RBFOX1: variants seen among roughly 807,000 people sequenced by gnomAD.
The protein encoded by RBFOX1 is RNA binding protein fox-1 homolog 1.
Under a neutral mutation model 57.7 loss-of-function variants are expected in RBFOX1, and 8 were observed. That is an observed-to-expected ratio of 0.14 (90% CI 0.08 to 0.25). The LOEUF (loss-of-function observed/expected upper bound fraction) is 0.25. Among genes scored for constraint, RBFOX1 ranks in the 10% least tolerant of loss-of-function variants. The pLI is 1.00. For missense variants in RBFOX1, 611 were observed against 548.5 expected, an observed-to-expected ratio of 1.11 and a Z score of -1.14; for synonymous variants, 326 against 222.4, an observed-to-expected ratio of 1.47 and a Z score of -4.15.
chr16:7,050,848 G>T (rs1003375182), intron 3 of RBFOX1, among the ~76,000 whole-genome samples: 1 of 151,826 alleles, frequency 6.6e-6, no homozygotes, highest in East Asian at 1.9e-4. Flanking sequence ...ACATTTGTGT[G>T]CCTCTGCATA....
intron 3 of RBFOX1, among the ~76,000 whole-genome samples, chr16:6,950,704 G>T (rs148691521): frequency 6.6e-6 from 1 of 152,218 alleles, no homozygotes; most frequent in Non-Finnish European, 1.5e-5. Flanking sequence ...AAAAAGAGTT[G>T]CTTAGGAGAA....
chr16:6,658,683 T>C lies in RBFOX1; in HGVS notation c.-16+4033T>C, dbSNP rs73529847. ...GGCTGACAGGAAACTAATTGCCATTTGGAAAACCTTGCCTGGCTGTTTATG... is the reference window on the plus strand; with the variant it reads ...GGCTGACAGGAAACTAATTGCCATTCGGAAAACCTTGCCTGGCTGTTTATG... On this transcript the variant is annotated intron_variant, in intron 3 of 15. Coordinates refer to ENST00000550418, the MANE Select transcript of RBFOX1 (RefSeq NM_018723.4). Among the ~76,000 whole-genome samples, 198 of 152,336 alleles carry C rather than the reference T, an allele frequency of 1.3e-3. 1 individual carries two copies. Among genetic ancestry groups the C allele is most frequent in the African/African-American group, 4.7e-3 (194 of 41,582 alleles).
intron 3 of RBFOX1, among the ~76,000 whole-genome samples, chr16:6,788,855 C>G (rs1253925274): frequency 1.3e-5 from 2 of 152,096 alleles, no homozygotes; most frequent in Non-Finnish European, 2.9e-5. Flanking sequence ...ATGGCATCGC[C>G]TCACTTCTGA....
At chr16:7,490,795 C>G (rs1011484919) in intron 4 of RBFOX1, among the ~76,000 whole-genome samples, 3 of 152,110 alleles carry the variant, frequency 2.0e-5, no homozygotes, top group African/African-American at 7.2e-5. Context: ...CTCAAAAAGA[C>G]CCACCTAATA....
intron 2 of RBFOX1, among the ~76,000 whole-genome samples, chr16:5,524,828 A>G (rs1304258076): frequency 6.6e-6 from 1 of 152,068 alleles, no homozygotes. Context: ...GGCGTGAGAC[A>G]CCGCACCCGG....
At chr16:6,559,208 CAT>C (rs1185586248) in intron 2 of RBFOX1, among the ~76,000 whole-genome samples, 4 of 151,826 alleles carry the variant, frequency 2.6e-5, no homozygotes, top group East Asian at 3.9e-4. Flanking sequence ...CACATAGTCA[CAT>C]GTCATGTCAA....
At chr16:6,486,864 T>A (rs1406056258) in intron 2 of RBFOX1, among the ~76,000 whole-genome samples, 3 of 152,118 alleles carry the variant, frequency 2.0e-5, no homozygotes, top group Non-Finnish European at 4.4e-5. Context: ...CAATTATGAA[T>A]TCTCATGCAT....
At chr16:6,842,003 C>T (rs895295027) in intron 3 of RBFOX1, among the ~76,000 whole-genome samples, 26 of 151,276 alleles carry the variant, frequency 1.7e-4, no homozygotes, top group African/African-American at 5.8e-4. Flanking sequence ...ATTAGCCGGG[C>T]GTGGTGGCGG....
chr16:6,233,374 G>A (rs1457687593), intron 1 of RBFOX1, among the ~76,000 whole-genome samples: 5 of 151,868 alleles, frequency 3.3e-5, no homozygotes, highest in Non-Finnish European at 5.9e-5. Context: ...CATCTCCCCC[G>A]GGTGGTTGCA....
intron 4 of RBFOX1, among the ~76,000 whole-genome samples, chr16:5,870,392 ATG>A (rs1469268075): frequency 0.011 from 1,473 of 139,164 alleles, 38 homozygotes; most frequent in African/African-American, 0.037. Flanking sequence ...AAAAAAAAAA[ATG>A]AAGGCACTTG....
intron 1 of RBFOX1, among the ~76,000 whole-genome samples, chr16:6,138,491 G>T (rs1267379905): frequency 6.6e-6 from 1 of 152,116 alleles, no homozygotes; most frequent in Non-Finnish European, 1.5e-5. Context: ...AGGATTTGTG[G>T]CATGTTTGCC....
At chr16:6,556,060 A>G (rs1401300315) in intron 2 of RBFOX1, among the ~76,000 whole-genome samples, 2 of 152,090 alleles carry the variant, frequency 1.3e-5, no homozygotes, top group African/African-American at 4.8e-5. Flanking sequence ...GACTAGTGAA[A>G]CTCCCATGGC....
At chr16:7,677,455 G>A (rs1233582625) in intron 14 of RBFOX1, among the ~76,000 whole-genome samples, 1 of 152,096 alleles carries the variant, frequency 6.6e-6, no homozygotes, top group African/African-American at 2.4e-5. Context: ...GTTAAGGCAG[G>A]CAGTGGAAGG....
chr16:7,421,185 C>A (rs992042106), intron 4 of RBFOX1, among the ~76,000 whole-genome samples: 2 of 151,972 alleles, frequency 1.3e-5, no homozygotes, highest in East Asian at 1.9e-4. Context: ...TTGTAGAGCA[C>A]AGTAGGAGAA....
Position 5,955,351 on chromosome 16 carries a change from TAAATAAAAATAAAA to T in RBFOX1, c.351+88017_351+88030del, listed in dbSNP as rs1567187806. 5.7e-4 allele frequency among the ~76,000 whole-genome samples: 45 copies of T among 78,962 alleles called. 1 individual carries two copies. The highest frequency in any genetic ancestry group is 1.4e-3 in the South Asian group (4 of 2,764). The allele number at this position is 78,962 out of a possible 152,430, so 51.8% of individuals were successfully genotyped here. A position where few individuals can be genotyped will look rare whatever the true frequency, so the allele number is the denominator to read the frequency against. ...TAAAATAAAATAAAATAAAATAAAA[TAAATAAAAATAAAA>T]TAAAATAAAATAAAATAAAATAAAA... On this transcript the variant is annotated intron_variant, in intron 4 of 19. Transcript: ENST00000641259.
At chr16:6,634,567 C>A (rs1041674787) in intron 2 of RBFOX1, among the ~76,000 whole-genome samples, 2 of 145,692 alleles carry the variant, frequency 1.4e-5, no homozygotes, top group Non-Finnish European at 3.0e-5. Context: ...AAGTATATTA[C>A]ATATTTAAAG....
rs566253106 is a variant in RBFOX1, at chr16:6,263,117, C to T, written c.-126-53878C>T. Among the ~76,000 whole-genome samples, 12 of 152,182 alleles carry T rather than the reference C, an allele frequency of 7.9e-5. No individual in the cohort carries two copies. The South Asian group carries it at 1.5e-3, about 18-fold the overall frequency. ...GGTGTGTTTAGGAGAACACAGAGTG[C>T]GCCTGTGGGTTGAAATGGGTTGAAA... On this transcript the variant is annotated intron_variant, in intron 1 of 15. Transcript: ENST00000550418.
At chr16:7,435,526 G>A (rs2098714741) in intron 4 of RBFOX1, among the ~76,000 whole-genome samples, 1 of 152,196 alleles carries the variant, frequency 6.6e-6, no homozygotes, top group South Asian at 2.1e-4. Flanking sequence ...CGGGTGAGGT[G>A]TTTGTTAGGC....
chr16:5,819,432 T>C (rs1008735405), intron 3 of RBFOX1, among the ~76,000 whole-genome samples: 4 of 152,216 alleles, frequency 2.6e-5, no homozygotes, highest in Admixed American at 6.5e-5. Flanking sequence ...TCTGCTTCCA[T>C]CTATGCTCTG....
Sources: gnomAD v4.1 joint callset for allele counts (sites outside exome capture counted in the v4.1 genomes callset) on GRCh38, gnomAD v4.1.1 for gene constraint, MANE v1.5 for transcripts, NCBI Gene and HGNC (gene_info 2026-07-23, HGNC 2026-07-21) for gene names.